The following C9orf85 variants were observed in gnomAD, a reference collection of about 807,000 sequenced individuals.
C9orf85 encodes uncharacterized protein C9orf85.
C9orf85 carries 16 observed loss-of-function variants against 14.9 expected under a neutral mutation model. The observed-to-expected ratio is 1.08, with a 90% CI of 0.73 to 1.63. The LOEUF (loss-of-function observed/expected upper bound fraction) is 1.63, where lower values mean the gene tolerates loss of function less well. Among genes scored for constraint, C9orf85 ranks in the 40% most tolerant of loss-of-function variants. The probability of loss-of-function intolerance (pLI) is 0.00; values close to 1 mark genes in which losing one functional copy is unlikely to be tolerated. For synonymous variants in C9orf85, 45 were observed against 56.8 expected, an observed-to-expected ratio of 0.79 and a Z score of 0.93; for missense variants, 172 against 186.1, an observed-to-expected ratio of 0.92 and a Z score of 0.44.
chr9:71,922,374 A>G (rs77544054), intron 1 of C9orf85, among the ~76,000 whole-genome samples: 1,956 of 152,224 alleles, frequency 0.013, 43 homozygotes, highest in African/African-American at 0.044. Flanking sequence ...TTTACCTTCT[A>G]CAATTTATAG....
At position 71,918,731 on chromosome 9, in the gene C9orf85, G is replaced by A. The variant is rs995970690; in HGVS notation, c.102+6895G>A. On this transcript the variant is annotated intron_variant, in intron 1 of 3. Coordinates refer to ENST00000334731, the MANE Select transcript of C9orf85 (RefSeq NM_182505.5). ...CGTGTGCTCCTTATGAGAATCTAAT[G>A]CCTGATGATCTGTCACTGTCTCCCA... Among the ~76,000 whole-genome samples, 3 of 152,266 alleles carry A rather than the reference G, an allele frequency of 2.0e-5. No homozygotes were observed. The South Asian group carries it at 6.2e-4, about 32-fold the overall frequency.
Position 71,915,180 on chromosome 9 carries a change from ATTATT to A in C9orf85, c.102+3347_102+3351del, listed in dbSNP as rs1250338871. On this transcript the variant is annotated intron_variant, in intron 1 of 3. Coordinates refer to ENST00000334731, the MANE Select transcript of C9orf85 (RefSeq NM_182505.5). ...AGAGATCATTACAAAAATTATTATT[ATTATT>A]TTTTTTTTTTTTTTGAGACAGAGTC... is the stretch of plus-strand genomic sequence containing the variant. 4.2e-4 allele frequency among the ~76,000 whole-genome samples: 6 copies of A among 14,342 alleles called. No individual in the cohort carries two copies. In the Non-Finnish European group the frequency reaches 4.7e-3, roughly 11 times the overall value. 9.4% of individuals were successfully genotyped at this position (14,342 alleles called of 152,430 possible). A position where few individuals can be genotyped will look rare whatever the true frequency, so the allele number is the denominator to read the frequency against.
chr9:71,968,099 T>G (rs201509097), intron 2 of C9orf85, among the ~76,000 whole-genome samples: 13,369 of 130,350 alleles, frequency 0.1, 667 homozygotes, highest in Middle Eastern at 0.14. Flanking sequence ...TATATATATA[T>G]ATAGAGAGAG....
chr9:71,975,651 A>G (rs1407985075), downstream of C9orf85, among the ~76,000 whole-genome samples: 1 of 152,042 alleles, frequency 6.6e-6, no homozygotes, highest in African/African-American at 2.4e-5. Flanking sequence ...TGACCAACAC[A>G]GAGAAACCCC....
At chr9:71,971,203 T>C (rs1410221081) in intron 2 of C9orf85, among the ~76,000 whole-genome samples, 1 of 152,234 alleles carries the variant, frequency 6.6e-6, no homozygotes, top group Non-Finnish European at 1.5e-5. Flanking sequence ...GTAGATTGTT[T>C]CTTGGTAGTG....
chr9:71,975,523 T>C (rs1253380449), downstream of C9orf85, among the ~76,000 whole-genome samples: 1 of 151,298 alleles, frequency 6.6e-6, no homozygotes, highest in Non-Finnish European at 1.5e-5. Flanking sequence ...TCTAAACATA[T>C]AGCCTGACTG....
rs1822932351 is a variant in C9orf85 at position 71,973,148 on chromosome 9, AAAAAT to A, written c.*316_*320del. ...TGACAGAGTGAGACTCTGTCTCAAA[AAAAAT>A]AAAATAAAAAGTCAATTTAGAATGT... On this transcript the variant is annotated 3_prime_UTR_variant, in exon 4 of 4. Transcript: ENST00000334731. 1 of 159,286 alleles carries A rather than the reference AAAAAT, an allele frequency of 6.3e-6. No individual in the cohort carries two copies. The highest frequency in any genetic ancestry group is 2.4e-5 in the African/African-American group (1 of 41,756). 9.9% of individuals were successfully genotyped at this position (159,286 alleles called of 1,614,324 possible).
intron 2 of C9orf85, among the ~76,000 whole-genome samples, chr9:71,959,200 C>T (rs969750755): frequency 2.7e-4 from 41 of 151,724 alleles, no homozygotes; most frequent in African/African-American, 9.4e-4. Context: ...TACAATGGCA[C>T]GATCTCGGCT....
chr9:71,953,818 G>A (rs184474628), intron 2 of C9orf85, among the ~76,000 whole-genome samples: 140 of 152,228 alleles, frequency 9.2e-4, no homozygotes, highest in African/African-American at 3.3e-3. Context: ...GGGGGAGGGA[G>A]GCAGGCACAG....
At position 71,947,045 on chromosome 9, in the gene C9orf85, T is replaced by C. The variant is rs368378761; in HGVS notation, c.142T>C (p.Cys48Arg). Reference sequence around the variant, plus strand: ...ACTTCATGATGGAGTATGTCAGCGCTGTAAAGAAGTTCTTGAGTGGCGTGT... The same window carrying C: ...ACTTCATGATGGAGTATGTCAGCGCCGTAAAGAAGTTCTTGAGTGGCGTGT... ...AKLHDGVCQR[C>R]KEVLEWRVKY... Residue 48 changes from cysteine to arginine, a missense_variant, in exon 2 of 4, where the codon TGT (cysteine) becomes CGT (arginine). Cys to Arg is a radical substitution (Grantham distance 180). Transcript: ENST00000334731. 4.3e-5 allele frequency: 70 copies of C among 1,613,430 alleles called. No homozygotes were observed. Among genetic ancestry groups the C allele is most frequent in the Admixed American group, 1.3e-4 (8 of 59,990 alleles).
chr9:71,959,446 A>G (rs1822459110), intron 2 of C9orf85, among the ~76,000 whole-genome samples: 1 of 152,064 alleles, frequency 6.6e-6, no homozygotes, highest in Non-Finnish European at 1.5e-5. Context: ...CAAAGTTAAC[A>G]TTTTCAAACC....
In C9orf85 at chr9:71,972,774, G is replaced by T. The variant is rs373529335; in HGVS notation, c.406G>T (p.Glu136Ter). 6 of 1,610,200 alleles carry T rather than the reference G, an allele frequency of 3.7e-6. No homozygotes were observed. The highest frequency in any genetic ancestry group is 5.1e-6 in the Non-Finnish European group (6 of 1,177,220). Residue 136 changes from glutamate (E) to a stop codon, truncating the protein, a stop_gained, in exon 4 of 4, where the codon GAA becomes TAA. Coordinates refer to ENST00000334731, the MANE Select transcript of C9orf85 (RefSeq NM_182505.5). LOFTEE classifies it low-confidence loss of function (END_TRUNC). ...TAGAAGAAGCTGCAGAAGAAATGAA[G>T]AAAGTGATGATGATTTAGATTTTGA... ...NHRRSCRRNEESDDDLDFDID... is the reference protein window; with the variant it reads ...NHRRSCRRNE
chr9:71,976,657 A>G (rs1270838082), downstream of C9orf85, among the ~76,000 whole-genome samples: 6 of 147,560 alleles, frequency 4.1e-5, no homozygotes, highest in Non-Finnish European at 7.4e-5. Flanking sequence ...GCGAGACTCC[A>G]TCTCAAAAAA....
chr9:71,983,531 G>A (rs539019523), downstream of C9orf85: 12 of 152,158 alleles, frequency 7.9e-5, no homozygotes, highest in South Asian at 1.0e-3. Flanking sequence ...GAAACTAACG[G>A]TGTGGATAAT....
chr9:71,940,163 CT>C (rs1185604607), intron 1 of C9orf85, among the ~76,000 whole-genome samples: 1 of 151,926 alleles, frequency 6.6e-6, no homozygotes, highest in South Asian at 2.1e-4. Context: ...TGATAAAGGG[CT>C]GTTAATCCAG....
At chr9:71,973,858 T>TTA (rs1275964010), downstream of C9orf85, among the ~76,000 whole-genome samples, 2 of 23,192 alleles carry the variant, frequency 8.6e-5, no homozygotes, top group Admixed American at 1.6e-3. Context: ...CTGGGTTTTG[T>TTA]TGTTTTTTTT....
At chr9:71,947,794 C>T (rs1822137985) in intron 2 of C9orf85, among the ~76,000 whole-genome samples, 1 of 152,186 alleles carries the variant, frequency 6.6e-6, no homozygotes, top group African/African-American at 2.4e-5. Flanking sequence ...CAGGCGCCCA[C>T]CACCATGCCT....
At chr9:71,965,328 G>A (rs1822660758) in intron 2 of C9orf85, among the ~76,000 whole-genome samples, 2 of 152,168 alleles carry the variant, frequency 1.3e-5, no homozygotes, top group South Asian at 4.1e-4. Context: ...CGTCGGGTGT[G>A]AGTTTAGTTG....
At chr9:71,971,706 G>T (rs1247849280) in intron 3 of C9orf85, 88 bp downstream of exon 3, 2 of 865,284 alleles carry the variant, frequency 2.3e-6, no homozygotes, top group Non-Finnish European at 3.7e-6. Flanking sequence ...AGGCGCAGTG[G>T]CTCACGCCTG....
Sources: allele counts gnomAD v4.1 joint callset (sites outside exome capture counted in the v4.1 genomes callset), GRCh38; gene constraint gnomAD v4.1.1; transcripts MANE v1.5; gene names NCBI Gene and HGNC (gene_info 2026-07-23, HGNC 2026-07-21).